Variants in C10orf90 observed in about 807,000 individuals in gnomAD.
C10orf90 encodes the protein (E2-independent) E3 ubiquitin-conjugating enzyme FATS.
A neutral mutation model predicts 62.5 loss-of-function variants in C10orf90; 56 were observed. The observed-to-expected ratio is 0.90, with a 90% confidence interval of 0.72 to 1.12. The LOEUF (loss-of-function observed/expected upper bound fraction) is 1.12, where lower values mean the gene tolerates loss of function less well. Among genes scored for constraint, C10orf90 ranks in the 50% most tolerant of loss-of-function variants. The probability of loss-of-function intolerance (pLI) is 0.00; values close to 1 mark genes in which losing one functional copy is unlikely to be tolerated. For missense variants in C10orf90, 970 were observed against 880.4 expected (o/e 1.10, Z -1.29); for synonymous variants, 386 against 340.4 (o/e 1.13, Z -1.47).
At chr10:126,539,340 G>A (rs893487870) in intron 2 of C10orf90, among the ~76,000 whole-genome samples, 5 of 152,168 alleles carry the variant, frequency 3.3e-5, no homozygotes, top group African/African-American at 1.2e-4. Flanking sequence ...CTGCAAACAA[G>A]GTCACTGTGT....
chr10:126,511,791 T>C (rs985065567), intron 3 of C10orf90, among the ~76,000 whole-genome samples: 1 of 152,196 alleles, frequency 6.6e-6, no homozygotes, highest in African/African-American at 2.4e-5. Flanking sequence ...ACAGATATTT[T>C]CTTATTTATA....
chr10:126,595,802 G>A (rs1486708605), intron 2 of C10orf90, among the ~76,000 whole-genome samples: 3 of 152,086 alleles, frequency 2.0e-5, no homozygotes, highest in Non-Finnish European at 4.4e-5. Context: ...AGGAGCAGCT[G>A]GGGTCCACAT....
At chr10:126,491,131 AT>A (rs1392585241) in intron 4 of C10orf90, among the ~76,000 whole-genome samples, 5 of 152,232 alleles carry the variant, frequency 3.3e-5, no homozygotes, top group Admixed American at 6.5e-5. Flanking sequence ...AATGATCTCT[AT>A]AATGAAAACT....
rs200235745 is a variant in C10orf90, at chr10:126,446,842, A to AT, written c.2188+12197_2188+12198insA. ...AGCTACAATAATTTGTTAAGAAAAA[A>AT]ATATATAAAAATATGTAAACTGTAA... On this transcript the variant is annotated intron_variant, in intron 7 of 9. Transcript: ENST00000488181. Among the ~76,000 whole-genome samples the AT allele has an allele frequency of 0.021, 3,203 of 152,194 alleles. 241 individuals carry two copies. The East Asian group carries it at 0.29, about 14-fold the overall frequency.
chr10:126,550,993 T>A (rs1219840985), intron 2 of C10orf90, among the ~76,000 whole-genome samples: 2 of 152,090 alleles, frequency 1.3e-5, no homozygotes, highest in Non-Finnish European at 2.9e-5. Flanking sequence ...GAAGAGAAAA[T>A]AATAAATAAA....
At chr10:126,472,054 C>A (rs1860612579) in intron 4 of C10orf90, among the ~76,000 whole-genome samples, 1 of 152,164 alleles carries the variant, frequency 6.6e-6, no homozygotes, top group Admixed American at 6.5e-5. Context: ...TTCTACCTTC[C>A]TTTCAGGAAG....
chr10:126,622,210 G>T (rs1355951166), intron 2 of C10orf90, among the ~76,000 whole-genome samples: 1 of 152,154 alleles, frequency 6.6e-6, no homozygotes, highest in African/African-American at 2.4e-5. Flanking sequence ...GCAATCAAAG[G>T]TTTATTGTGG....
chr10:126,496,324 C>A (rs1862054248), intron 4 of C10orf90, among the ~76,000 whole-genome samples: 1 of 152,146 alleles, frequency 6.6e-6, no homozygotes, highest in Non-Finnish European at 1.5e-5. Flanking sequence ...CATGAGCAAC[C>A]TTTAGATACC....
Position 126,504,509 on chromosome 10 carries a change from C to A in C10orf90, c.982G>T (p.Glu328Ter). Residue 328 changes from glutamate to a stop codon, truncating the protein, a stop_gained, in exon 4 of 10, where the codon GAG becomes TAG. Coordinates refer to ENST00000488181, the MANE Select transcript of C10orf90 (RefSeq NM_001350921.2). LOFTEE classifies it high-confidence loss of function. This position sits in a 1 kb window ranked among gnomAD's most constrained non-coding sequence, Gnocchi z 4.1. ...KYWVTHADDKETSFSPDTPLS... is the reference protein window; with the variant it reads ...KYWVTHADDK ...GGGGTGTCTGGAGAAAAACTGGTCT[C>A]TTTGTCGTCTGCATGGGTGACCCAG... 1 of 1,614,226 alleles carries A rather than the reference C, an allele frequency of 6.2e-7. No homozygotes were observed. The highest frequency in any genetic ancestry group is 8.5e-7 in the Non-Finnish European group (1 of 1,180,048).
intron 2 of C10orf90, among the ~76,000 whole-genome samples, chr10:126,597,350 G>A (rs2134036016): frequency 6.6e-6 from 1 of 152,364 alleles, no homozygotes; most frequent in South Asian, 2.1e-4. Flanking sequence ...TCCAGGCAGA[G>A]GGGACATGTG....
intron 2 of C10orf90, among the ~76,000 whole-genome samples, chr10:126,559,468 T>C (rs1864852541): frequency 6.6e-6 from 1 of 152,202 alleles, no homozygotes; most frequent in Non-Finnish European, 1.5e-5. Flanking sequence ...CAGCAGTGAA[T>C]ATCTCTTACA....
intron 1 of C10orf90, among the ~76,000 whole-genome samples, chr10:126,649,503 G>T (rs1425682552): frequency 1.3e-5 from 2 of 152,030 alleles, no homozygotes; most frequent in African/African-American, 2.4e-5. Context: ...GCCCTCGCAC[G>T]CATTGTCCTA....
intron 2 of C10orf90, among the ~76,000 whole-genome samples, chr10:126,644,898 A>G (rs565556313): frequency 1.3e-5 from 2 of 152,374 alleles, no homozygotes; most frequent in African/African-American, 4.8e-5. Context: ...TCAGACCACA[A>G]GAAGTGCCTG....
chr10:126,589,677 G>C (rs1305558986), intron 2 of C10orf90, among the ~76,000 whole-genome samples: 1 of 152,098 alleles, frequency 6.6e-6, no homozygotes, highest in African/African-American at 2.4e-5. Flanking sequence ...ATCATTACCA[G>C]GCCTGCCTTG....
At chr10:126,532,773 A>C (rs1417379589) in intron 2 of C10orf90, among the ~76,000 whole-genome samples, 13 of 129,038 alleles carry the variant, frequency 1.0e-4, no homozygotes, top group East Asian at 8.3e-4. Context: ...GGAGGCGGAG[A>C]TTGCAGTGAG....
chr10:126,589,975 G>A (rs1487394769), intron 2 of C10orf90, among the ~76,000 whole-genome samples: 2 of 152,060 alleles, frequency 1.3e-5, no homozygotes, highest in Non-Finnish European at 2.9e-5. Flanking sequence ...ACACACACAG[G>A]CTCAATTTAA....
intron 7 of C10orf90, among the ~76,000 whole-genome samples, chr10:126,443,504 C>A (rs560803499): frequency 1.3e-5 from 2 of 152,034 alleles, no homozygotes; most frequent in South Asian, 4.1e-4. Context: ...TAACAAGCAG[C>A]AAGATTGAAA....
At chr10:126,669,463 C>T (rs1023871284) in intron 1 of C10orf90, among the ~76,000 whole-genome samples, 5 of 152,196 alleles carry the variant, frequency 3.3e-5, no homozygotes, top group Admixed American at 3.3e-4. Context: ...AAGGCATTAG[C>T]AATTTGCATG....
intron 2 of C10orf90, among the ~76,000 whole-genome samples, chr10:126,548,699 A>G (rs930005993): frequency 6.6e-6 from 1 of 152,078 alleles, no homozygotes; most frequent in Non-Finnish European, 1.5e-5. Flanking sequence ...CTAAATAAAT[A>G]AAGTGGAAGA....
Sources: gnomAD v4.1 joint callset for allele counts (sites outside exome capture counted in the v4.1 genomes callset) on GRCh38, gnomAD v4.1.1 for gene constraint, Gnocchi (gnomAD v3.1) non-coding constraint, MANE v1.5 for transcripts, NCBI Gene and HGNC (gene_info 2026-07-23, HGNC 2026-07-21) for gene names.